Variants in IGSF21 observed in about 807,000 individuals in gnomAD.
The protein encoded by IGSF21 is immunoglobulin superfamily member 21.
A neutral mutation model predicts 46.8 loss-of-function variants in IGSF21; 28 were observed. The observed-to-expected ratio is 0.60, with a 90% confidence interval of 0.44 to 0.82. IGSF21 has a LOEUF of 0.82. Among genes scored for constraint, IGSF21 ranks in the 40% least tolerant of loss-of-function variants. The pLI, the probability that IGSF21 is intolerant of heterozygous loss-of-function variation, is 0.00. For missense variants in IGSF21, 624 were observed against 665.5 expected (o/e 0.94, Z 0.69); for synonymous variants, 284 against 273.6 (o/e 1.04, Z -0.38).
At chr1:18,291,721 G>C in intron 2 of IGSF21, 145 bp from the exon 3 acceptor site, 1 of 960,114 alleles carries the variant, frequency 1.0e-6, no homozygotes, top group Non-Finnish European at 1.5e-6. Context: ...CTGCCTCCAG[G>C]AAGCCCTCGG....
chr1:18,120,168 A>C (rs934695705), intron 1 of IGSF21, among the ~76,000 whole-genome samples: 2 of 152,158 alleles, frequency 1.3e-5, no homozygotes, highest in African/African-American at 4.8e-5. Flanking sequence ...TTTCTGGAAA[A>C]CCGCAGGGGA....
At chr1:18,317,371 C>A (rs768077703) in intron 3 of IGSF21, among the ~76,000 whole-genome samples, 1 of 152,204 alleles carries the variant, frequency 6.6e-6, no homozygotes, top group Non-Finnish European at 1.5e-5. Context: ...GTTAAGCAAC[C>A]TACCCAAGGT....
At chr1:18,360,137 T>C (rs1357483001) in intron 4 of IGSF21, among the ~76,000 whole-genome samples, 1 of 152,198 alleles carries the variant, frequency 6.6e-6, no homozygotes, top group African/African-American at 2.4e-5. Flanking sequence ...TGTGGATTCT[T>C]GTGTGGGATC....
At chr1:18,240,194 T>C (rs889270484) in intron 2 of IGSF21, among the ~76,000 whole-genome samples, 8 of 152,120 alleles carry the variant, frequency 5.3e-5, no homozygotes, top group African/African-American at 1.9e-4. Flanking sequence ...GGTGGGAGGA[T>C]GGATTGAGCC....
chr1:18,146,198 T>C (rs1019997022), intron 1 of IGSF21, among the ~76,000 whole-genome samples: 4 of 152,178 alleles, frequency 2.6e-5, no homozygotes, highest in Non-Finnish European at 4.4e-5. Flanking sequence ...TCTCCATTAG[T>C]TTCCGAATTT....
intron 1 of IGSF21, among the ~76,000 whole-genome samples, chr1:18,179,943 C>T (rs2086840311): frequency 6.6e-6 from 1 of 152,272 alleles, no homozygotes; most frequent in South Asian, 2.1e-4. Context: ...CTGCCAAGCA[C>T]ATTCCAGGCT....
chr1:18,305,488 T>TG (rs1553162222), intron 3 of IGSF21, among the ~76,000 whole-genome samples: 25 of 50,416 alleles, frequency 5.0e-4, no homozygotes, highest in East Asian at 4.6e-3. Flanking sequence ...GATGGATGGA[T>TG]GATGGATGGA....
chr1:18,355,418 C>A (rs2086005259), intron 4 of IGSF21, among the ~76,000 whole-genome samples: 1 of 152,162 alleles, frequency 6.6e-6, no homozygotes, highest in African/African-American at 2.4e-5. Context: ...ACCATTACCT[C>A]CCTGTGTCGA....
chr1:18,211,209 T>C (rs914468312), intron 1 of IGSF21, among the ~76,000 whole-genome samples: 7 of 152,192 alleles, frequency 4.6e-5, no homozygotes, highest in African/African-American at 1.7e-4. Context: ...AGAGTGGAGA[T>C]GTGAAATCTC....
chr1:18,234,828 A>G (rs947648125), intron 2 of IGSF21, among the ~76,000 whole-genome samples: 20 of 152,036 alleles, frequency 1.3e-4, no homozygotes, highest in African/African-American at 4.8e-4. Context: ...AAACCATATC[A>G]CAATCCTTTA....
intron 4 of IGSF21, among the ~76,000 whole-genome samples, chr1:18,358,185 C>G (rs139115230): frequency 0.013 from 1,873 of 143,680 alleles, 37 homozygotes; most frequent in African/African-American, 0.044. Flanking sequence ...TGTAGCCAAA[C>G]CTGTGCTTCT....
At chr1:18,196,594 G>A (rs940459662) in intron 1 of IGSF21, among the ~76,000 whole-genome samples, 1 of 152,176 alleles carries the variant, frequency 6.6e-6, no homozygotes, top group Non-Finnish European at 1.5e-5. Flanking sequence ...GACCTTTATT[G>A]AGCACTGTCT....
chr1:18,258,697 G>A (rs1048444088), intron 2 of IGSF21, among the ~76,000 whole-genome samples: 2 of 152,152 alleles, frequency 1.3e-5, no homozygotes, highest in Non-Finnish European at 2.9e-5. Context: ...GTAACCTTGG[G>A]CAGTTTGCTT....
chr1:18,310,570 C>T (rs2085479860), intron 3 of IGSF21, among the ~76,000 whole-genome samples: 1 of 152,206 alleles, frequency 6.6e-6, no homozygotes, highest in South Asian at 2.1e-4. Flanking sequence ...TGTAAGCATT[C>T]ATTTTTCTTG....
chr1:18,361,921 C>T (rs1157155071), intron 4 of IGSF21, 194 bp from the exon 5 acceptor site: 2 of 579,048 alleles, frequency 3.5e-6, no homozygotes, highest in African/African-American at 3.7e-5. Flanking sequence ...GAGGGGAGGG[C>T]TCTTGTCTAT....
At chr1:18,166,431 G>C (rs1435664337) in intron 1 of IGSF21, among the ~76,000 whole-genome samples, 1 of 152,070 alleles carries the variant, frequency 6.6e-6, no homozygotes, top group South Asian at 2.1e-4. Context: ...CTGGCAATTC[G>C]CACAGCCGCA....
At chr1:18,128,697 A>T (rs1167421776) in intron 1 of IGSF21, among the ~76,000 whole-genome samples, 1 of 152,116 alleles carries the variant, frequency 6.6e-6, no homozygotes, top group Non-Finnish European at 1.5e-5. Flanking sequence ...GGAGACTGAG[A>T]CTCAGAGATG....
intron 1 of IGSF21, among the ~76,000 whole-genome samples, chr1:18,220,240 T>C (rs1433041335): frequency 6.6e-6 from 1 of 152,192 alleles, no homozygotes; most frequent in African/African-American, 2.4e-5. Context: ...GAGAACCTGA[T>C]AGGGTGGCCA....
At chr1:18,149,130 G>A (rs1356601431) in intron 1 of IGSF21, among the ~76,000 whole-genome samples, 2 of 152,192 alleles carry the variant, frequency 1.3e-5, no homozygotes, top group African/African-American at 4.8e-5. Context: ...ACAACAGCTG[G>A]GACAGGCGTG....
Sources: allele counts gnomAD v4.1 joint callset (sites outside exome capture counted in the v4.1 genomes callset), GRCh38; gene constraint gnomAD v4.1.1; transcripts MANE v1.5; gene names NCBI Gene and HGNC (gene_info 2026-07-23, HGNC 2026-07-21).